Variants in CNTN4 observed in about 807,000 individuals in gnomAD.
The protein encoded by CNTN4 is contactin-4.
A neutral mutation model predicts 122.5 loss-of-function variants in CNTN4; 77 were observed. That is an observed-to-expected ratio of 0.63 (90% confidence interval 0.52 to 0.76). CNTN4 has a LOEUF of 0.76. Ranked by LOEUF, CNTN4 falls within the 30% of genes least tolerant of loss-of-function variation. The pLI is 0.00. For synonymous variants in CNTN4, 512 were observed against 447.0 expected (o/e 1.15, Z -1.83); for missense variants, 1,256 against 1,259.1 (o/e 1.00, Z 0.04).
intron 3 of CNTN4, among the ~76,000 whole-genome samples, chr3:2,399,358 A>G (rs2046756457): frequency 1.3e-5 from 2 of 151,976 alleles, no homozygotes; most frequent in Admixed American, 6.6e-5. Flanking sequence ...CTGTGGCCAT[A>G]GTTTCAAGAC....
At chr3:2,901,631 A>G (rs760461841) in intron 11 of CNTN4, among the ~76,000 whole-genome samples, 1 of 152,212 alleles carries the variant, frequency 6.6e-6, no homozygotes, top group African/African-American at 2.4e-5. Context: ...CCAAAATGCC[A>G]GGGAGTTGGT....
intron 3 of CNTN4, among the ~76,000 whole-genome samples, chr3:2,340,710 T>TATATATATATATATATATAGAGAGAGAG: frequency 5.5e-4 from 10 of 18,304 alleles, no homozygotes; most frequent in African/African-American, 7.0e-4. Flanking sequence ...TATATATATA[T>TATATATATATATATATATAGAGAGAGAG]AGAGAGAGAG....
At chr3:2,229,688 A>G (rs879324835) in intron 2 of CNTN4, among the ~76,000 whole-genome samples, 5 of 152,186 alleles carry the variant, frequency 3.3e-5, no homozygotes, top group Non-Finnish European at 5.9e-5. Flanking sequence ...TATTTTAACT[A>G]ATATTTACTG....
chr3:2,271,243 A>G (rs1047788688), intron 2 of CNTN4, among the ~76,000 whole-genome samples: 12 of 152,038 alleles, frequency 7.9e-5, no homozygotes, highest in African/African-American at 2.9e-4. Context: ...TACTCCATAA[A>G]GATCATTTTG....
intron 2 of CNTN4, among the ~76,000 whole-genome samples, chr3:2,173,778 T>G (rs2036618412): frequency 6.6e-6 from 1 of 152,084 alleles, no homozygotes; most frequent in Admixed American, 6.5e-5. Flanking sequence ...TTATAAGAAT[T>G]AAATCTAAAA....
chr3:2,575,476 A>C (rs1039189099), intron 4 of CNTN4, among the ~76,000 whole-genome samples: 5 of 152,116 alleles, frequency 3.3e-5, no homozygotes, highest in African/African-American at 7.2e-5. Context: ...GTACTACTGC[A>C]CTCCAGCCTG....
At chr3:3,031,117 C>A in intron 16 of CNTN4, 142 bp downstream of exon 16, 1 of 1,095,698 alleles carries the variant, frequency 9.1e-7, no homozygotes, top group South Asian at 1.3e-5. Flanking sequence ...GGCTAACAGT[C>A]CACAGAAGTT....
intron 3 of CNTN4, among the ~76,000 whole-genome samples, chr3:2,450,358 C>G (rs1280207426): frequency 6.8e-6 from 1 of 148,108 alleles, no homozygotes; most frequent in East Asian, 2.0e-4. Flanking sequence ...AGGAGTGAGA[C>G]TCTGTCTCAA....
At chr3:2,996,209 G>A (rs1695521242) in intron 14 of CNTN4, among the ~76,000 whole-genome samples, 2 of 152,032 alleles carry the variant, frequency 1.3e-5, no homozygotes, top group African/African-American at 2.4e-5. Flanking sequence ...GAAAAAGGCT[G>A]GAGGTACATG....
At chr3:2,747,452 C>A (rs2089855222) in intron 6 of CNTN4, among the ~76,000 whole-genome samples, 1 of 138,550 alleles carries the variant, frequency 7.2e-6, no homozygotes, top group South Asian at 2.5e-4. Context: ...ATACTATACC[C>A]AAACTTCTTT....
intron 2 of CNTN4, among the ~76,000 whole-genome samples, chr3:2,181,048 CA>C (rs1373828271): frequency 1.3e-5 from 2 of 151,990 alleles, no homozygotes; most frequent in African/African-American, 2.4e-5. Context: ...TTTAGTTTAT[CA>C]GTGAAATGTG....
At chr3:2,650,065 G>A (rs2083294475) in intron 4 of CNTN4, among the ~76,000 whole-genome samples, 1 of 142,348 alleles carries the variant, frequency 7.0e-6, no homozygotes, top group Admixed American at 7.4e-5. Context: ...TATAAAATAT[G>A]TATTTTTATA....
intron 3 of CNTN4, among the ~76,000 whole-genome samples, chr3:2,544,296 G>A (rs138153639): frequency 2.4e-3 from 360 of 152,120 alleles, no homozygotes; most frequent in African/African-American, 8.1e-3. Context: ...GGAGAACATG[G>A]GAAGAAAGAT....
intron 3 of CNTN4, among the ~76,000 whole-genome samples, chr3:2,485,003 C>T (rs907721157): frequency 3.3e-5 from 5 of 152,220 alleles, no homozygotes; most frequent in African/African-American, 1.2e-4. Context: ...GCACTCAGAG[C>T]AGCGGGCTGG....
intron 3 of CNTN4, among the ~76,000 whole-genome samples, chr3:2,526,959 G>T (rs183629477): frequency 6.6e-6 from 1 of 152,262 alleles, no homozygotes; most frequent in East Asian, 1.9e-4. Flanking sequence ...TTTCATTGCT[G>T]ACTTTCTTTA....
intron 2 of CNTN4, among the ~76,000 whole-genome samples, chr3:2,170,288 C>G (rs904183607): frequency 1.3e-5 from 2 of 151,882 alleles, no homozygotes; most frequent in Admixed American, 6.6e-5. Flanking sequence ...CCACCGCACT[C>G]CAGCCTGGGC....
chr3:2,955,586 C>T (rs1559715454), intron 13 of CNTN4, among the ~76,000 whole-genome samples: 1 of 152,132 alleles, frequency 6.6e-6, no homozygotes, highest in East Asian at 1.9e-4. Flanking sequence ...CTGATTGAGT[C>T]GTATAATTAT....
chr3:2,319,745 G>A (rs2043220275), intron 2 of CNTN4, among the ~76,000 whole-genome samples: 1 of 152,072 alleles, frequency 6.6e-6, no homozygotes, highest in Non-Finnish European at 1.5e-5. Flanking sequence ...TAAAGTTTTG[G>A]AACAGTCAAA....
intron 3 of CNTN4, among the ~76,000 whole-genome samples, chr3:2,500,395 A>G (rs2076564963): frequency 1.3e-5 from 2 of 152,074 alleles, no homozygotes; most frequent in African/African-American, 4.8e-5. Flanking sequence ...TCATTCTTTA[A>G]TTAACGTTTA....
Sources: gnomAD v4.1 joint callset for allele counts (sites outside exome capture counted in the v4.1 genomes callset) on GRCh38, gnomAD v4.1.1 for gene constraint, MANE v1.5 for transcripts, NCBI Gene and HGNC (gene_info 2026-07-23, HGNC 2026-07-21) for gene names.